The following DNM1 variants were observed in gnomAD, a reference collection of about 807,000 sequenced individuals.
DNM1 encodes dynamin 1.
Under a neutral mutation model 104.6 loss-of-function variants are expected in DNM1, and 29 were observed. The observed-to-expected ratio is 0.28, with a 90% CI of 0.21 to 0.38. The LOEUF (loss-of-function observed/expected upper bound fraction) is 0.38, where lower values mean the gene tolerates loss of function less well. Ranked by LOEUF, DNM1 falls within the 10% of genes least tolerant of loss-of-function variation. DNM1 has a pLI of 1.00. For synonymous variants in DNM1, 445 were observed against 475.8 expected, an observed-to-expected ratio of 0.94 and a Z score of 0.84; for missense variants, 640 against 1,189.4, an observed-to-expected ratio of 0.54 and a Z score of 6.79.
At chr9:128,238,792 A>C (rs1007683166) in intron 11 of DNM1, among the ~76,000 whole-genome samples, 6 of 151,308 alleles carry the variant, frequency 4.0e-5, no homozygotes, top group African/African-American at 4.9e-5. Context: ...AGTAGCTGGG[A>C]CTACAGGAGC....
chr9:128,213,262 A>G (rs899276951), intron 1 of DNM1, among the ~76,000 whole-genome samples: 1 of 152,020 alleles, frequency 6.6e-6, no homozygotes, highest in African/African-American at 2.4e-5. Context: ...TTGTATCTTT[A>G]GTAGAGATGG....
At chr9:128,246,756 T>TTCCCTCCCTCCCTCCC (rs1836848920) in intron 16 of DNM1, among the ~76,000 whole-genome samples, 1 of 134,930 alleles carries the variant, frequency 7.4e-6, no homozygotes, top group Non-Finnish European at 1.6e-5. Flanking sequence ...TCCTCCCTCC[T>TTCCCTCCCTCCCTCCC]TTCCTCCCTC....
chr9:128,242,722 T>A (rs546556444), intron 15 of DNM1, among the ~76,000 whole-genome samples: 50 of 152,122 alleles, frequency 3.3e-4, no homozygotes, highest in African/African-American at 1.2e-3. Flanking sequence ...ATCGCACCAT[T>A]GCACTCCAGC....
At chr9:128,204,869 G>T (rs1162407830) in intron 1 of DNM1, 2 of 152,320 alleles carry the variant, frequency 1.3e-5, no homozygotes, top group Non-Finnish European at 2.9e-5. Context: ...AGGTTCTGCT[G>T]CAAAACCTCA....
chr9:128,239,567 CG>C (rs1554780776), intron 12 of DNM1, 52 bp downstream of exon 12: 6 of 882,376 alleles, frequency 6.8e-6, no homozygotes, highest in Admixed American at 2.1e-5. Flanking sequence ...GAGAAGGTAA[CG>C]TGTGTGTGTG....
rs1196457914 is a variant in DNM1, at chr9:128,240,623, C to G, written c.1557+627C>G. ...GGAGGGCTGAGTCTGTCCCGTTTAT[C>G]ATTAAATCCTCAGCTCAAGCCCCTA... On this transcript the variant is annotated intron_variant, in intron 14 of 21. Coordinates refer to ENST00000372923, the MANE Select transcript of DNM1 (RefSeq NM_004408.4). This position sits in a 1 kb window ranked among gnomAD's most constrained non-coding sequence, Gnocchi z 5.1. The G allele has an allele frequency of 6.5e-6, 1 of 152,754 alleles. No individual in the cohort carries two copies. The highest frequency in any genetic ancestry group is 2.4e-5 in the African/African-American group (1 of 41,430). 9.5% of individuals were successfully genotyped at this position (152,754 alleles called of 1,614,324 possible).
Position 128,220,398 on chromosome 9 carries a change from T to C in DNM1, c.849+57T>C, listed in dbSNP as rs1422330709. 6.3e-7 allele frequency: 1 copy of C among 1,593,406 alleles called. No individual in the cohort carries two copies. Among genetic ancestry groups the C allele is most frequent in the Non-Finnish European group, 8.5e-7 (1 of 1,170,634 alleles). Reference sequence around the variant, plus strand: ...AAACAAGCATGAAAACAGGATAAATTAAGTGTGTTCTGAGAGTGAACAGCA... The same window carrying C: ...AAACAAGCATGAAAACAGGATAAATCAAGTGTGTTCTGAGAGTGAACAGCA... On this transcript the variant is annotated intron_variant, in intron 6 of 21. Coordinates refer to ENST00000372923, the MANE Select transcript of DNM1 (RefSeq NM_004408.4). The surrounding 1 kb of genome is among the most constrained non-coding windows in gnomAD (Gnocchi z 5.2).
chr9:128,211,690 C>G (rs1428871741), intron 1 of DNM1, among the ~76,000 whole-genome samples: 1 of 151,994 alleles, frequency 6.6e-6, no homozygotes, highest in Non-Finnish European at 1.5e-5. Flanking sequence ...TTCACCCTGC[C>G]GTTGTCTTCC....
chr9:128,236,237 C>T (rs961507441), intron 11 of DNM1, among the ~76,000 whole-genome samples: 7 of 152,178 alleles, frequency 4.6e-5, no homozygotes, highest in East Asian at 3.9e-4. Flanking sequence ...CAGGGCCCAT[C>T]GTGGCCCTCA....
rs1376656660 is a variant in DNM1, at chr9:128,220,278, T to A, written c.786T>A (p.His262Gln). 1 of 1,614,194 alleles carries A rather than the reference T, an allele frequency of 6.2e-7. No individual in the cohort carries two copies. The highest frequency in any genetic ancestry group is 1.3e-5 in the African/African-American group (1 of 75,038). ...CTGAACGAAAGTTCTTCCTCTCCCA[T>A]CCATCTTATCGCCACTTGGCTGACC... ...LAAERKFFLS[H>Q]PSYRHLADRM... Residue 262 changes from histidine to glutamine, a missense_variant, in exon 6 of 22, where the codon CAT (histidine) becomes CAA (glutamine). This residue lies in a region of DNM1 where 81 missense variants were observed against 99.8 expected (regional missense o/e 0.81). Transcript: ENST00000372923. This position sits in a 1 kb window ranked among gnomAD's most constrained non-coding sequence, Gnocchi z 5.2.
Position 128,254,702 on chromosome 9 carries a change from C to T in DNM1, c.2583C>T (p.Pro861=). Residue 861 remains proline, a synonymous_variant, in exon 22 of 22, where the codon CCC becomes CCT. Coordinates refer to ENST00000372923, the MANE Select transcript of DNM1 (RefSeq NM_004408.4). The surrounding 1 kb of genome is among the most constrained non-coding windows in gnomAD (Gnocchi z 6.1). ...CCCGTCCTGAGAGCCCCAGGCCCCC[C>T]TTCGACCTCTAAACAGATCCCTCCT... ...SPSRPESPRP[P]FDL 6.3e-7 allele frequency: 1 copy of T among 1,596,316 alleles called. No individual in the cohort carries two copies. Among genetic ancestry groups the T allele is most frequent in the Non-Finnish European group, 8.5e-7 (1 of 1,179,692 alleles).
intron 1 of DNM1, among the ~76,000 whole-genome samples, chr9:128,212,532 G>C (rs1834363211): frequency 6.6e-6 from 1 of 152,222 alleles, no homozygotes; most frequent in Admixed American, 6.5e-5. Context: ...GAAACAGAAA[G>C]AGGATCCAGA....
chr9:128,250,670 T>C (rs1829465653), intron 20 of DNM1, 55 bp from the exon 21 acceptor site: 2 of 1,360,676 alleles, frequency 1.5e-6, no homozygotes, highest in Non-Finnish European at 1.9e-6. Flanking sequence ...GGCCTCTGGG[T>C]GGGCGGAGCT....
At chr9:128,250,679 C>A in intron 20 of DNM1, 46 bp from the exon 21 acceptor site, 1 of 1,399,612 alleles carries the variant, frequency 7.1e-7, no homozygotes, top group South Asian at 1.4e-5. Flanking sequence ...GTGGGCGGAG[C>A]TGCTCATCTC....
intron 11 of DNM1, among the ~76,000 whole-genome samples, chr9:128,237,920 G>A (rs1292194911): frequency 1.3e-5 from 2 of 151,728 alleles, no homozygotes; most frequent in Non-Finnish European, 2.9e-5. Context: ...GACCACAGGC[G>A]TACACCACTA....
intron 11 of DNM1, among the ~76,000 whole-genome samples, chr9:128,236,127 C>A (rs1339275030): frequency 6.6e-6 from 1 of 152,166 alleles, no homozygotes; most frequent in Non-Finnish European, 1.5e-5. Flanking sequence ...GCCACCCCCA[C>A]CTTTTATGTC....
At chr9:128,219,725 G>A (rs1395890046) in intron 4 of DNM1, among the ~76,000 whole-genome samples, 4 of 152,210 alleles carry the variant, frequency 2.6e-5, no homozygotes, top group Non-Finnish European at 4.4e-5. Flanking sequence ...CACTTTGGGA[G>A]GCCAACTTGG....
Position 128,218,847 on chromosome 9 carries a change from C to A in DNM1, c.385+116C>A, listed in dbSNP as rs150158152. 102 of 1,396,530 alleles carry A rather than the reference C, an allele frequency of 7.3e-5. No homozygotes were observed. The highest frequency in any genetic ancestry group is 1.5e-4 in the South Asian group (11 of 71,776). 86.5% of individuals were successfully genotyped at this position (1,396,530 alleles called of 1,614,324 possible). A position where few individuals can be genotyped will look rare whatever the true frequency, so the allele number is the denominator to read the frequency against. On this transcript the variant is annotated intron_variant, in intron 3 of 21. Coordinates refer to ENST00000372923, the MANE Select transcript of DNM1 (RefSeq NM_004408.4). This position sits in a 1 kb window ranked among gnomAD's most constrained non-coding sequence, Gnocchi z 4.8. The stretch of plus-strand genomic sequence containing the variant: ...TAGAATGACCCTGCCTCTGCATCAT[C>A]CTATTCCAAGCTCCACCCTGCCGTG...
At chr9:128,228,633 A>G (rs1317472298) in intron 10 of DNM1, among the ~76,000 whole-genome samples, 1 of 152,236 alleles carries the variant, frequency 6.6e-6, no homozygotes, top group East Asian at 1.9e-4. Context: ...GCAGAGAAAG[A>G]AAAGCAAAAC....
Sources: allele counts gnomAD v4.1 joint callset (sites outside exome capture counted in the v4.1 genomes callset), GRCh38; gene constraint gnomAD v4.1.1; regional missense constraint gnomAD v4.1.1; non-coding constraint Gnocchi (gnomAD v3.1); transcripts MANE v1.5; gene names NCBI Gene and HGNC (gene_info 2026-07-23, HGNC 2026-07-21).